MKNK1: variants seen among roughly 807,000 people sequenced by gnomAD.
MKNK1 encodes the protein MAP kinase-interacting serine/threonine-protein kinase 1.
MKNK1 carries 30 observed loss-of-function variants against 49.3 expected under a neutral mutation model. The observed-to-expected ratio is 0.61, with a 90% CI of 0.46 to 0.83. The LOEUF is 0.83. MKNK1 is among the 40% of genes least tolerant of loss of function. The pLI, the probability that MKNK1 is intolerant of heterozygous loss-of-function variation, is 0.00. For missense variants in MKNK1, 423 were observed against 524.7 expected, an observed-to-expected ratio of 0.81 and a Z score of 1.89; for synonymous variants, 176 against 201.7, an observed-to-expected ratio of 0.87 and a Z score of 1.08.
chr1:46,584,698 G>C (rs1672257395), intron 2 of MKNK1: 2 of 152,176 alleles, frequency 1.3e-5, no homozygotes, highest in South Asian at 4.1e-4. Flanking sequence ...CATCCGGAGA[G>C]AGCACACAGG....
rs1331015144 is a variant in MKNK1 at position 46,572,044 on chromosome 1, A to C, written c.457+19T>G. The C allele has an allele frequency of 6.2e-7, 1 of 1,610,958 alleles. No homozygotes were observed. Among genetic ancestry groups the C allele is most frequent in the Admixed American group, 1.7e-5 (1 of 59,972 alleles). ...GCTGGCCAGCCCAACCCACCCACCA[A>C]GGCAAAGGCTGGGTTCACCTTTGGT... On this transcript the variant is annotated intron_variant, in intron 7 of 12. Coordinates refer to ENST00000371945, the MANE Select transcript of MKNK1 (RefSeq NM_001135553.4).
intron 2 of MKNK1, chr1:46,585,869 A>T (rs1672487936): frequency 7.6e-7 from 1 of 1,312,208 alleles, no homozygotes; most frequent in Non-Finnish European, 1.0e-6. Flanking sequence ...ACAAAGACAG[A>T]GTACCTGGTA....
chr1:46,586,306 C>T (rs1672561375), intron 2 of MKNK1: 1 of 258,586 alleles, frequency 3.9e-6, no homozygotes, highest in African/African-American at 2.2e-5. Flanking sequence ...TTTTGCAGCT[C>T]CCTGATAACT....
chr1:46,567,642 C>T (rs1388265340), intron 8 of MKNK1, among the ~76,000 whole-genome samples: 1 of 152,150 alleles, frequency 6.6e-6, no homozygotes, highest in Non-Finnish European at 1.5e-5. Flanking sequence ...AAGGCCACCC[C>T]TTATTTATGA....
chr1:46,564,044 C>CAAAAAAAAAAAAAAAAAA (rs1217205121), intron 9 of MKNK1, among the ~76,000 whole-genome samples: 2 of 39,084 alleles, frequency 5.1e-5, no homozygotes, highest in East Asian at 9.5e-4. Flanking sequence ...GACTCTGTCT[C>CAAAAAAAAAAAAAAAAAA]AAAAAAAAAA....
chr1:46,582,188 GACACACACAGACAC>G (rs973796517), intron 3 of MKNK1, among the ~76,000 whole-genome samples: 2 of 151,964 alleles, frequency 1.3e-5, no homozygotes, highest in African/African-American at 2.4e-5. Context: ...CCCATACCCT[GACACACACAGACAC>G]ACACACACAG....
chr1:46,576,298 C>A, intron 5 of MKNK1: 2 of 346,630 alleles, frequency 5.8e-6, no homozygotes, highest in South Asian at 3.6e-5. Context: ...AAATAAAACC[C>A]CATTTCCCCC....
intron 12 of MKNK1, among the ~76,000 whole-genome samples, chr1:46,559,217 A>G (rs1557817081): frequency 6.6e-6 from 1 of 152,240 alleles, no homozygotes; most frequent in Non-Finnish European, 1.5e-5. Flanking sequence ...GCTCAGGGCT[A>G]GCGTGGACAG....
chr1:46,594,886 C>A, intron 1 of MKNK1: 1 of 404,040 alleles, frequency 2.5e-6, no homozygotes, highest in South Asian at 1.8e-5. Flanking sequence ...GCTTGGGAGG[C>A]TGAGGTGGGA....
At chr1:46,597,095 T>C (rs992366154) in intron 1 of MKNK1, among the ~76,000 whole-genome samples, 1 of 152,032 alleles carries the variant, frequency 6.6e-6, no homozygotes, top group African/African-American at 2.4e-5. Context: ...TTCCTGTACC[T>C]CCTGCTGGTA....
chr1:46,564,044 C>CAAAAAAAAAAGAAAAAAAAAAAA (rs1668539425), intron 9 of MKNK1, among the ~76,000 whole-genome samples: 1 of 39,086 alleles, frequency 2.6e-5, no homozygotes, highest in East Asian at 9.5e-4. Flanking sequence ...GACTCTGTCT[C>CAAAAAAAAAAGAAAAAAAAAAAA]AAAAAAAAAA....
rs1569958620 is a variant in MKNK1 at position 46,558,518 on chromosome 1, T to C, written c.*57A>G. On this transcript the variant is annotated 3_prime_UTR_variant, in exon 13 of 13. Transcript: ENST00000371945. ...GCTCAGCAGACTTTAGCCACACAGGTTTCCAGGGGACAATGCCTGGCCAGG... is the reference window on the plus strand; with the variant it reads ...GCTCAGCAGACTTTAGCCACACAGGCTTCCAGGGGACAATGCCTGGCCAGG... The C allele has an allele frequency of 2.0e-6, 3 of 1,495,200 alleles. No homozygotes were observed. In the South Asian group the frequency reaches 4.0e-5, roughly 20 times the overall value. The allele number at this position is 1,495,200 out of a possible 1,614,324, so 92.6% of individuals were successfully genotyped here.
At chr1:46,588,697 T>C (rs556387515) in intron 2 of MKNK1, among the ~76,000 whole-genome samples, 31 of 151,824 alleles carry the variant, frequency 2.0e-4, no homozygotes, top group Non-Finnish European at 2.4e-4. Context: ...GTCCCAGCTA[T>C]TCGGGAGGCT....
At chr1:46,602,134 G>A (rs1179846099) in intron 1 of MKNK1, among the ~76,000 whole-genome samples, 1 of 152,122 alleles carries the variant, frequency 6.6e-6, no homozygotes, top group Non-Finnish European at 1.5e-5. Context: ...AGATTTGGCC[G>A]GGCACGTTGG....
intron 8 of MKNK1, chr1:46,565,340 C>T (rs997518736): frequency 8.6e-6 from 5 of 578,156 alleles, no homozygotes; most frequent in Non-Finnish European, 9.3e-6. Flanking sequence ...TCTTATTTCC[C>T]ATCTAAGGGA....
intron 1 of MKNK1, among the ~76,000 whole-genome samples, chr1:46,600,255 G>T (rs1674566933): frequency 6.6e-6 from 1 of 152,198 alleles, no homozygotes; most frequent in Non-Finnish European, 1.5e-5. Flanking sequence ...GAGGGAGAAG[G>T]TTCTGAGAAG....
intron 2 of MKNK1, among the ~76,000 whole-genome samples, chr1:46,593,267 C>T (rs903179575): frequency 5.3e-5 from 8 of 152,300 alleles, no homozygotes; most frequent in Non-Finnish European, 7.4e-5. Flanking sequence ...GGCACAATCT[C>T]GGCTCACTGC....
At chr1:46,601,985 C>T (rs1364238508) in intron 1 of MKNK1, among the ~76,000 whole-genome samples, 1 of 152,178 alleles carries the variant, frequency 6.6e-6, no homozygotes, top group Non-Finnish European at 1.5e-5. Context: ...GCAGAAGGCT[C>T]AGAAAAGCTT....
rs986094323 is a variant in MKNK1, at chr1:46,559,366, G to A, written c.1014-566C>T. The stretch of plus-strand genomic sequence containing the variant: ...CTGGGTCACACGAATTGCGATTATG[G>A]AGGTGTATGACTTCCTTGTGTAGCT... On this transcript the variant is annotated intron_variant, in intron 12 of 12. Coordinates refer to ENST00000371945, the MANE Select transcript of MKNK1 (RefSeq NM_001135553.4). Among the ~76,000 whole-genome samples, 82 of 152,236 alleles carry A rather than the reference G, an allele frequency of 5.4e-4. 2 individuals carry two copies. Among genetic ancestry groups the A allele is most frequent in the Non-Finnish European group, 2.5e-4 (17 of 68,036 alleles).
Sources: allele counts gnomAD v4.1 joint callset (sites outside exome capture counted in the v4.1 genomes callset), GRCh38; gene constraint gnomAD v4.1.1; transcripts MANE v1.5; gene names NCBI Gene and HGNC (gene_info 2026-07-23, HGNC 2026-07-21).